The following GPR89B variants were observed in gnomAD, a reference collection of about 807,000 sequenced individuals.
The protein encoded by GPR89B is golgi pH regulator B, also known as G protein-coupled receptor 89B.
GPR89B carries 25 observed loss-of-function variants against 52.4 expected under a neutral mutation model. That is an observed-to-expected ratio of 0.48 (90% CI 0.35 to 0.67). The LOEUF (loss-of-function observed/expected upper bound fraction) is 0.67. Among genes scored for constraint, GPR89B ranks in the 30% least tolerant of loss-of-function variants. GPR89B has a pLI of 0.01. For missense variants in GPR89B, 146 were observed against 450.2 expected, an observed-to-expected ratio of 0.32 and a Z score of 6.11; for synonymous variants, 52 against 151.2, an observed-to-expected ratio of 0.34 and a Z score of 4.81.
At chr1:147,979,480 GAT>G (rs2149086535) in intron 10 of GPR89B, among the ~76,000 whole-genome samples, 1 of 152,312 alleles carries the variant, frequency 6.6e-6, no homozygotes, top group African/African-American at 2.4e-5. Context: ...CTCTTAGGGA[GAT>G]AGCATCCAGT....
the GPR89B span, among the ~76,000 whole-genome samples, chr1:148,021,631 C>T: frequency 6.6e-6 from 1 of 151,690 alleles, no homozygotes; most frequent in Non-Finnish European, 1.5e-5. Flanking sequence ...TCGGACCTTC[C>T]TGTCGAGGAA....
chr1:148,002,965 T>C, the GPR89B span, among the ~76,000 whole-genome samples: 76 of 152,290 alleles, frequency 5.0e-4, no homozygotes, highest in African/African-American at 1.8e-3. Context: ...AAGCTTACTC[T>C]AACGTTGAAT....
chr1:147,935,842 T>G (rs1438495000), intron 1 of GPR89B, among the ~76,000 whole-genome samples: 1 of 152,120 alleles, frequency 6.6e-6, no homozygotes, highest in Non-Finnish European at 1.5e-5. Context: ...TCAGGTGATC[T>G]TCCCACCTCA....
intron 1 of GPR89B, among the ~76,000 whole-genome samples, chr1:147,931,560 TTG>T (rs56311138): frequency 6.6e-6 from 1 of 151,670 alleles, no homozygotes; most frequent in Admixed American, 6.6e-5. Flanking sequence ...CTCCAGCTAC[TTG>T]TGTGTGTGTG....
At chr1:148,005,847 G>A in the GPR89B span, among the ~76,000 whole-genome samples, 2 of 151,862 alleles carry the variant, frequency 1.3e-5, no homozygotes, top group Non-Finnish European at 2.9e-5. Flanking sequence ...GCTTCTGTTC[G>A]TAAGTTCCCC....
chr1:148,015,249 C>T, the GPR89B span, among the ~76,000 whole-genome samples: 3 of 144,180 alleles, frequency 2.1e-5, no homozygotes, highest in Non-Finnish European at 4.5e-5. Context: ...CCGTGTCTCC[C>T]ATACGACATG....
intron 5 of GPR89B, among the ~76,000 whole-genome samples, chr1:147,949,845 G>A (rs1196310079): frequency 5.8e-5 from 8 of 138,298 alleles, no homozygotes; most frequent in African/African-American, 8.6e-5. Context: ...CCGGGCAGAG[G>A]GGCTCCTCAC....
chr1:147,994,410 TC>T, downstream of GPR89B: 2 of 1,051,722 alleles, frequency 1.9e-6, no homozygotes, highest in Non-Finnish European at 2.8e-6. Context: ...AGAGGGATGA[TC>T]TATTCTAGAG....
chr1:147,964,722 G>A (rs1234924204), intron 7 of GPR89B, among the ~76,000 whole-genome samples: 1 of 149,272 alleles, frequency 6.7e-6, no homozygotes, highest in Middle Eastern at 3.4e-3. Flanking sequence ...GCTTGTCTAT[G>A]TGCCTCTAAC....
At chr1:147,970,555 ATCTCTCTCTCTC>A (rs1200595357) in intron 10 of GPR89B, among the ~76,000 whole-genome samples, 14 of 76,538 alleles carry the variant, frequency 1.8e-4, no homozygotes, top group African/African-American at 4.7e-4. Flanking sequence ...CTCTCTCTCT[ATCTCTCTCTCTC>A]TCTATATATA....
At chr1:147,931,580 T>A (rs1653613405) in intron 1 of GPR89B, among the ~76,000 whole-genome samples, 1 of 152,054 alleles carries the variant, frequency 6.6e-6, no homozygotes, top group Admixed American at 6.6e-5. Context: ...GTGTGTAGTT[T>A]AAGTCTTTTT....
chr1:147,962,528 A>C (rs1656662902), intron 7 of GPR89B, among the ~76,000 whole-genome samples: 1 of 151,882 alleles, frequency 6.6e-6, no homozygotes, highest in Non-Finnish European at 1.5e-5. Flanking sequence ...ATAACCTTTC[A>C]CCAAATGGTG....
rs1659141635 is a variant in GPR89B at position 147,992,487 on chromosome 1, C to T, written c.1096-15C>T. The T allele has an allele frequency of 1.4e-5, 23 of 1,611,268 alleles. No homozygotes were observed. In the South Asian group the frequency reaches 2.3e-4, roughly 16 times the overall value. ...TAACAGTACTGCATAAATTTATCTC[C>T]CTCTTTCTTGACAGTTCTTTTATGC... On this transcript the variant is annotated splice_polypyrimidine_tract_variant and intron_variant, in intron 12 of 13. Coordinates refer to ENST00000314163, the MANE Select transcript of GPR89B (RefSeq NM_016334.5).
chr1:147,959,686 C>T (rs1656392830), intron 7 of GPR89B, among the ~76,000 whole-genome samples: 1 of 151,960 alleles, frequency 6.6e-6, no homozygotes, highest in Admixed American at 6.5e-5. Flanking sequence ...AAACCCTTCC[C>T]AAATCTCTGT....
chr1:147,931,300 C>G (rs1653578931), intron 1 of GPR89B, among the ~76,000 whole-genome samples: 1 of 151,778 alleles, frequency 6.6e-6, no homozygotes, highest in African/African-American at 2.4e-5. Context: ...TTTTAAAAAG[C>G]AACTGTTAAC....
the GPR89B span, among the ~76,000 whole-genome samples, chr1:148,013,059 T>C: frequency 3.9e-5 from 6 of 152,078 alleles, no homozygotes; most frequent in African/African-American, 1.5e-4. Flanking sequence ...ATGAAAATAA[T>C]AACAGATGAC....
downstream of GPR89B, chr1:147,995,495 T>A (rs1315318002): frequency 3.2e-5 from 44 of 1,384,888 alleles, no homozygotes; most frequent in Admixed American, 2.2e-4. Flanking sequence ...TTTCTAGTTT[T>A]AAAAAAAATC....
chr1:147,980,941 G>A (rs1658201769), intron 10 of GPR89B, among the ~76,000 whole-genome samples: 1 of 147,636 alleles, frequency 6.8e-6, no homozygotes. Flanking sequence ...TGTCTCTGTA[G>A]ATTTCCCTAT....
chr1:147,932,591 C>T (rs1290615435), intron 1 of GPR89B, among the ~76,000 whole-genome samples: 1 of 152,168 alleles, frequency 6.6e-6, no homozygotes, highest in African/African-American at 2.4e-5. Context: ...CTCTCTTACT[C>T]TTAGCAGATA....
Sources: allele counts gnomAD v4.1 joint callset (sites outside exome capture counted in the v4.1 genomes callset), GRCh38; gene constraint gnomAD v4.1.1; transcripts MANE v1.5; gene names NCBI Gene and HGNC (gene_info 2026-07-23, HGNC 2026-07-21).